Variants in ABLIM1 observed in about 807,000 individuals in gnomAD.
ABLIM1 encodes the protein actin binding LIM protein 1.
A neutral mutation model predicts 107.0 loss-of-function variants in ABLIM1; 40 were observed. The observed-to-expected ratio is 0.37, with a 90% CI of 0.29 to 0.49. ABLIM1 has a LOEUF of 0.49. Ranked by LOEUF, ABLIM1 falls within the 20% of genes least tolerant of loss-of-function variation. The pLI is 0.97. For synonymous variants in ABLIM1, 357 were observed against 357.3 expected, an observed-to-expected ratio of 1.00 and a Z score of 0.01; for missense variants, 857 against 1,008.5, an observed-to-expected ratio of 0.85 and a Z score of 2.04.
chr10:114,772,719 G>A (rs2083039024), upstream of ABLIM1, among the ~76,000 whole-genome samples: 1 of 152,200 alleles, frequency 6.6e-6, no homozygotes. Flanking sequence ...AAGAAGCCAT[G>A]CTGAGTGAGA....
intron 4 of ABLIM1, among the ~76,000 whole-genome samples, chr10:114,569,773 A>T (rs2071373870): frequency 6.6e-6 from 1 of 152,184 alleles, no homozygotes; most frequent in African/African-American, 2.4e-5. Context: ...GAAGGAGTTG[A>T]AACCCTACTA....
intron 1 of ABLIM1, among the ~76,000 whole-genome samples, chr10:114,642,319 T>C (rs2078791102): frequency 6.6e-6 from 1 of 151,682 alleles, no homozygotes; most frequent in Non-Finnish European, 1.5e-5. Flanking sequence ...AATTACTGCA[T>C]GAAATAAAAA....
At chr10:114,758,869 C>T (rs536013790) in intron 1 of ABLIM1, among the ~76,000 whole-genome samples, 3 of 152,120 alleles carry the variant, frequency 2.0e-5, no homozygotes, top group Non-Finnish European at 4.4e-5. Context: ...ATACATATAT[C>T]ATCTAATATT....
chr10:114,761,654 G>GA (rs2082748991), intron 1 of ABLIM1, among the ~76,000 whole-genome samples: 1 of 152,008 alleles, frequency 6.6e-6, no homozygotes, highest in African/African-American at 2.4e-5. Context: ...CCTTGTCAGT[G>GA]AAAAACCCTA....
chr10:114,465,499 T>C (rs1429228264), intron 12 of ABLIM1, 199 bp downstream of exon 12: 4 of 503,918 alleles, frequency 7.9e-6, no homozygotes, highest in East Asian at 3.8e-5. Context: ...TAAATCAAAA[T>C]GAACACAGGC....
intron 1 of ABLIM1, among the ~76,000 whole-genome samples, chr10:114,655,497 G>A (rs1591751260): frequency 1.3e-5 from 2 of 152,188 alleles, no homozygotes; most frequent in South Asian, 2.1e-4. Flanking sequence ...GTCTGTTTGA[G>A]TAGAAACATT....
intron 1 of ABLIM1, among the ~76,000 whole-genome samples, chr10:114,622,773 C>G (rs1394771772): frequency 6.6e-6 from 1 of 152,100 alleles, no homozygotes; most frequent in African/African-American, 2.4e-5. Flanking sequence ...CTTCTCCTCA[C>G]CTGCTCAGCA....
At chr10:114,736,239 C>G (rs2082177125) in intron 1 of ABLIM1, among the ~76,000 whole-genome samples, 1 of 152,098 alleles carries the variant, frequency 6.6e-6, no homozygotes, top group African/African-American at 2.4e-5. Context: ...TAGCCTGGCC[C>G]TAGAATGTGA....
chr10:114,571,473 T>C, intron 3 of ABLIM1, 67 bp from the exon 4 acceptor site: 1 of 1,481,944 alleles, frequency 6.7e-7, no homozygotes, highest in Non-Finnish European at 9.4e-7. Context: ...TTATTCCTTC[T>C]GCTTGCTGCC....
chr10:114,716,632 C>A (rs996709001), intron 1 of ABLIM1, among the ~76,000 whole-genome samples: 13 of 152,128 alleles, frequency 8.5e-5, no homozygotes, highest in African/African-American at 3.1e-4. Flanking sequence ...GATCAGTACA[C>A]TTTTCAAGTT....
At chr10:114,578,171 T>C (rs1264417108) in intron 2 of ABLIM1, among the ~76,000 whole-genome samples, 3 of 152,192 alleles carry the variant, frequency 2.0e-5, no homozygotes, top group Non-Finnish European at 1.5e-5. Context: ...ATCAAATTAA[T>C]GATCTCTCTC....
chr10:114,525,084 A>G (rs918591677), intron 6 of ABLIM1, among the ~76,000 whole-genome samples: 2 of 152,236 alleles, frequency 1.3e-5, no homozygotes, highest in African/African-American at 4.8e-5. Flanking sequence ...GTGTCTGAAG[A>G]TATCTCTGGT....
In ABLIM1 at chr10:114,673,271, C is replaced by CA. The variant is rs1182119576; in HGVS notation, c.64+11018dup. 1.2e-3 allele frequency among the ~76,000 whole-genome samples: 159 copies of CA among 127,940 alleles called. 1 individual carries two copies. Among genetic ancestry groups the CA allele is most frequent in the Admixed American group, 3.2e-3 (41 of 12,682 alleles). The allele number at this position is 127,940 out of a possible 152,430, so 83.9% of individuals were successfully genotyped here. ...AGACTCCAGCTAAAAAAAAAAAAAA[C>CA]AAAAAAAAAACAAAACTCTTTCCAC... is the stretch of plus-strand genomic sequence containing the variant. On this transcript the variant is annotated intron_variant, in intron 1 of 23. Coordinates refer to the ABLIM1 transcript ENST00000369256.
At chr10:114,530,105 G>T (rs73357381) in intron 6 of ABLIM1, among the ~76,000 whole-genome samples, 2,371 of 152,262 alleles carry the variant, frequency 0.016, 81 homozygotes, top group African/African-American at 0.055. Context: ...TCTAAAGTAG[G>T]ATTGTGATGA....
intron 1 of ABLIM1, among the ~76,000 whole-genome samples, chr10:114,749,083 TA>T (rs2082451594): frequency 6.6e-6 from 1 of 152,204 alleles, no homozygotes. Flanking sequence ...CAATTTAATC[TA>T]TATACCATTC....
chr10:114,657,937 G>A lies in ABLIM1; in HGVS notation c.244+20C>T. 6.3e-7 allele frequency: 1 copy of A among 1,589,588 alleles called. No homozygotes were observed. The highest frequency in any genetic ancestry group is 8.6e-7 in the Non-Finnish European group (1 of 1,160,452). ...ATCACAAAACACAAAACCATGTCCAGAGAGGGTTATTTTACTTACCAAAAG... is the reference window on the plus strand; with the variant it reads ...ATCACAAAACACAAAACCATGTCCAAAGAGGGTTATTTTACTTACCAAAAG... On this transcript the variant is annotated intron_variant, in intron 1 of 22. Transcript: ENST00000533213.
At chr10:114,701,390 C>T (rs58890426) in intron 1 of ABLIM1, among the ~76,000 whole-genome samples, 19,447 of 152,006 alleles carry the variant, frequency 0.13, 2,160 homozygotes, top group African/African-American at 0.3. Context: ...ACCTACCCTC[C>T]GACCTAGCAA....
intron 8 of ABLIM1, among the ~76,000 whole-genome samples, chr10:114,481,273 T>C (rs536249372): frequency 6.6e-6 from 1 of 152,120 alleles, no homozygotes; most frequent in South Asian, 2.1e-4. Context: ...AAGCACTTTG[T>C]AGCCCCTGCC....
At chr10:114,590,027 G>T (rs139424909) in intron 2 of ABLIM1, among the ~76,000 whole-genome samples, 3 of 152,036 alleles carry the variant, frequency 2.0e-5, no homozygotes, top group Non-Finnish European at 2.9e-5. Context: ...TTTTTATACC[G>T]TATTTTTACT....
Sources: gnomAD v4.1 joint callset for allele counts (sites outside exome capture counted in the v4.1 genomes callset) on GRCh38, gnomAD v4.1.1 for gene constraint, MANE v1.5 for transcripts, NCBI Gene and HGNC (gene_info 2026-07-23, HGNC 2026-07-21) for gene names.